FIRRM: variants seen among roughly 807,000 people sequenced by gnomAD.
FIRRM encodes FIGNL1 interacting regulator of recombination and mitosis, also known as FIGNL1-interacting regulator of recombination and mitosis.
At chr1:169,836,834 A>T in the FIRRM span, 1 of 875,646 alleles carries the variant, frequency 1.1e-6, no homozygotes, top group African/African-American at 1.7e-5. Context: ...GCTTTCTCGA[A>T]ATATTAAATG....
At chr1:169,790,336 A>G in the FIRRM span, among the ~76,000 whole-genome samples, 1 of 151,918 alleles carries the variant, frequency 6.6e-6, no homozygotes, top group Non-Finnish European at 1.5e-5. Flanking sequence ...ACTGGCATGC[A>G]CCACCACGCC....
chr1:169,802,959 A>G, the FIRRM span, among the ~76,000 whole-genome samples: 1 of 152,260 alleles, frequency 6.6e-6, no homozygotes, highest in African/African-American at 2.4e-5. Context: ...TGTGTGGAAC[A>G]CCTGCCATGT....
chr1:169,852,417 T>C, the FIRRM span: 1 of 268,412 alleles, frequency 3.7e-6, no homozygotes, highest in Non-Finnish European at 7.1e-6. Flanking sequence ...ATAGTAGTAA[T>C]TCATGAAGAA....
At chr1:169,792,744 G>T in the FIRRM span, 2 of 1,613,602 alleles carry the variant, frequency 1.2e-6, no homozygotes, top group Non-Finnish European at 1.7e-6. Flanking sequence ...AAAAGTACAC[G>T]TCCATTTTTA....
the FIRRM span, chr1:169,794,855 T>C: frequency 2.0e-6 from 1 of 496,082 alleles, no homozygotes; most frequent in Non-Finnish European, 3.7e-6. Flanking sequence ...GGATCGCGCT[T>C]CTGAAAAAGC....
At chr1:169,811,874 T>C in the FIRRM span, among the ~76,000 whole-genome samples, 4 of 150,736 alleles carry the variant, frequency 2.7e-5, no homozygotes, top group African/African-American at 9.8e-5. Flanking sequence ...ATAGATTAGA[T>C]AGATAGATAG....
At chr1:169,789,049 G>C in the FIRRM span, among the ~76,000 whole-genome samples, 2 of 152,192 alleles carry the variant, frequency 1.3e-5, no homozygotes, top group African/African-American at 4.8e-5. Context: ...GACTGCAGTA[G>C]AGGAGTCTTA....
chr1:169,827,989 A>T, the FIRRM span: 2 of 708,000 alleles, frequency 2.8e-6, no homozygotes, highest in Non-Finnish European at 4.5e-6. Context: ...ATATATTGCT[A>T]CTTTATAAAA....
the FIRRM span, chr1:169,852,065 T>A: frequency 7.6e-7 from 1 of 1,308,244 alleles, no homozygotes; most frequent in Non-Finnish European, 1.1e-6. Flanking sequence ...TCTAGACATG[T>A]AAAATTCTGT....
chr1:169,788,254 C>T, the FIRRM span, among the ~76,000 whole-genome samples: 3 of 152,148 alleles, frequency 2.0e-5, no homozygotes, highest in Admixed American at 6.5e-5. Context: ...CTCTGCCACC[C>T]CTGAGACAGT....
At chr1:169,828,330 G>T in the FIRRM span, among the ~76,000 whole-genome samples, 3 of 152,056 alleles carry the variant, frequency 2.0e-5, no homozygotes, top group South Asian at 6.2e-4. Flanking sequence ...CCTAAACCTG[G>T]CTCTGAGCTT....
the FIRRM span, among the ~76,000 whole-genome samples, chr1:169,797,799 C>A: frequency 2.6e-5 from 4 of 152,226 alleles, no homozygotes; most frequent in African/African-American, 9.6e-5. Flanking sequence ...GCCTCAGCCT[C>A]CCAAAGTGCT....
the FIRRM span, among the ~76,000 whole-genome samples, chr1:169,831,084 C>T: frequency 2.9e-4 from 44 of 152,104 alleles, no homozygotes; most frequent in South Asian, 9.1e-3. Flanking sequence ...AGGTTTCTCT[C>T]TTCTGTCTCT....
the FIRRM span, among the ~76,000 whole-genome samples, chr1:169,797,763 C>T: frequency 2.0e-5 from 3 of 152,016 alleles, no homozygotes; most frequent in East Asian, 1.9e-4. Flanking sequence ...AGGCTGGTCT[C>T]GAACTCCTGA....
At chr1:169,842,586 C>A in the FIRRM span, 19 of 1,584,902 alleles carry the variant, frequency 1.2e-5, no homozygotes, top group Admixed American at 1.6e-4. Flanking sequence ...TAGAAAATAT[C>A]AAAAAAAGAG....
At chr1:169,813,633 A>C in the FIRRM span, among the ~76,000 whole-genome samples, 1 of 152,262 alleles carries the variant, frequency 6.6e-6, no homozygotes, top group Non-Finnish European at 1.5e-5. Flanking sequence ...AAGTAATTGC[A>C]CTTTGGAGCA....
the FIRRM span, among the ~76,000 whole-genome samples, chr1:169,848,772 G>A: frequency 6.6e-6 from 1 of 152,100 alleles, no homozygotes; most frequent in Non-Finnish European, 1.5e-5. Context: ...GACTATGCAC[G>A]GGCCTAGAAA....
chr1:169,818,463 G>A, the FIRRM span, among the ~76,000 whole-genome samples: 2 of 152,140 alleles, frequency 1.3e-5, no homozygotes, highest in East Asian at 3.8e-4. Flanking sequence ...TTATTTTGAA[G>A]ATATTTTAAT....
At chr1:169,836,570 T>C in the FIRRM span, among the ~76,000 whole-genome samples, 96,117 of 152,102 alleles carry the variant, frequency 0.63, 30,778 homozygotes, top group Middle Eastern at 0.77. Flanking sequence ...TTTGGAATAT[T>C]ACTTTTGACT....
Sources: allele counts gnomAD v4.1 joint callset (sites outside exome capture counted in the v4.1 genomes callset), GRCh38; gene constraint gnomAD v4.1.1; transcripts MANE v1.5; gene names NCBI Gene and HGNC (gene_info 2026-07-23, HGNC 2026-07-21).